The following CRACDL variants were observed in gnomAD, a reference collection of about 807,000 sequenced individuals.
The protein encoded by CRACDL is CRACD-like protein.
A neutral mutation model predicts 70.6 loss-of-function variants in CRACDL; 26 were observed. That is an observed-to-expected ratio of 0.37 (90% confidence interval 0.27 to 0.51). The LOEUF is 0.51. Ranked by LOEUF, CRACDL falls within the 20% of genes least tolerant of loss-of-function variation. The pLI is 0.94. For missense variants in CRACDL, 1,283 were observed against 1,376.9 expected (o/e 0.93, Z 1.08); for synonymous variants, 618 against 615.2 (o/e 1.00, Z -0.07).
chr2:98,835,899 T>C lies in CRACDL; in HGVS notation c.239+2220A>G, dbSNP rs559737362. On this transcript the variant is annotated intron_variant, in intron 3 of 9. Coordinates refer to ENST00000397899, the MANE Select transcript of CRACDL (RefSeq NM_207362.3). The stretch of plus-strand genomic sequence containing the variant: ...GTGAAGGTTGGTGGAGGGACGACAG[T>C]GACACACCCTGAACCCACTGCTCAG... Among the ~76,000 whole-genome samples the C allele has an allele frequency of 2.4e-4, 36 of 152,320 alleles. No homozygotes were observed. In the East Asian group the frequency reaches 6.0e-3, roughly 25 times the overall value.
intron 1 of CRACDL, among the ~76,000 whole-genome samples, chr2:98,895,298 T>C (rs1708089803): frequency 6.6e-6 from 1 of 152,164 alleles, no homozygotes; most frequent in Non-Finnish European, 1.5e-5. Flanking sequence ...TCTAGAATTA[T>C]GACACACACA....
chr2:98,904,436 G>A (rs1708355769), intron 1 of CRACDL, among the ~76,000 whole-genome samples: 1 of 152,170 alleles, frequency 6.6e-6, no homozygotes, highest in South Asian at 2.1e-4. Context: ...TGTCCCTGAT[G>A]AGCCACCACA....
chr2:98,930,252 C>A (rs1258650547), intron 1 of CRACDL, among the ~76,000 whole-genome samples: 1 of 152,050 alleles, frequency 6.6e-6, no homozygotes, highest in African/African-American at 2.4e-5. Context: ...CAGAGCAAGA[C>A]AGGACACACG....
chr2:98,827,342 A>T (rs189124213), intron 5 of CRACDL, among the ~76,000 whole-genome samples, 173 bp from the exon 6 acceptor site: 11 of 152,226 alleles, frequency 7.2e-5, no homozygotes, highest in Non-Finnish European at 1.6e-4. Flanking sequence ...TTGTTCTGTC[A>T]CCAAGGCTGG....
At chr2:98,892,775 A>G (rs1337888392) in intron 1 of CRACDL, among the ~76,000 whole-genome samples, 1 of 152,170 alleles carries the variant, frequency 6.6e-6, no homozygotes, top group East Asian at 1.9e-4. Flanking sequence ...TTTTTGGAAA[A>G]AAACCCTAAA....
chr2:98,828,499 G>A (rs925708769), intron 5 of CRACDL, among the ~76,000 whole-genome samples: 1 of 152,186 alleles, frequency 6.6e-6, no homozygotes, highest in Admixed American at 6.5e-5. Context: ...CACATCCGCT[G>A]TTTCTTTTCT....
chr2:98,796,877 C>T lies in CRACDL; in HGVS notation c.2604+473G>A, dbSNP rs143746127. Among the ~76,000 whole-genome samples the T allele has an allele frequency of 4.5e-3, 687 of 152,308 alleles. 6 individuals are homozygous for T. The highest frequency in any genetic ancestry group is 0.045 in the Middle Eastern group (13 of 292). ...AAAATGGAACCACAAGTTCCAGCCC[C>T]GCAGCCCCAGGTGAGGAATGAGGAG... On this transcript the variant is annotated intron_variant, in intron 8 of 9. Coordinates refer to ENST00000397899, the MANE Select transcript of CRACDL (RefSeq NM_207362.3).
rs1369608116 is a variant in CRACDL, at chr2:98,793,933, T to C, written c.*599A>G. 1 of 152,680 alleles carries C rather than the reference T, an allele frequency of 6.5e-6. No homozygotes were observed. Among genetic ancestry groups the C allele is most frequent in the African/African-American group, 2.4e-5 (1 of 41,452 alleles). The allele number at this position is 152,680 out of a possible 1,614,324, so 9.5% of individuals were successfully genotyped here. A position where few individuals can be genotyped will look rare whatever the true frequency, so the allele number is the denominator to read the frequency against. ...TAGTGGAAAAGTTTAAAAATTATTT[T>C]TGGAAACAGTCTATGAATTGATGAA... On this transcript the variant is annotated 3_prime_UTR_variant, in exon 10 of 10. Transcript: ENST00000397899.
Position 98,822,706 on chromosome 2 carries a change from C to G in CRACDL, c.1567G>C (p.Val523Leu). The change falls in exon 7 of 10, where the codon GTG (valine) becomes CTG (leucine). Residue 523 changes from valine to leucine, a missense_variant. Val to Leu is a conservative substitution (Grantham distance 32, BLOSUM62 1). Around this residue, in one of 2 missense-constraint regions of CRACDL, gnomAD observed 921 missense variants for 881.9 expected, o/e 1.04. Transcript: ENST00000397899. The surrounding 1 kb of genome is among the most constrained non-coding windows in gnomAD (Gnocchi z 4.9). ...TCGAGGGAACCGGGGCCGGGCTCCA[C>G]CGGGGGAGACTCCGCAGCGGCAAGC... ...PPLAAAESPP[V>L]EPGPGSLDAE... is the part of the protein sequence containing the mutation. The G allele has an allele frequency of 1.6e-6, 2 of 1,262,578 alleles. No homozygotes were observed. Among genetic ancestry groups the G allele is most frequent in the Non-Finnish European group, 2.0e-6 (2 of 1,007,590 alleles). The allele number at this position is 1,262,578 out of a possible 1,614,324, so 78.2% of individuals were successfully genotyped here. A position where few individuals can be genotyped will look rare whatever the true frequency, so the allele number is the denominator to read the frequency against.
At chr2:98,809,106 G>A (rs1322300123) in intron 7 of CRACDL, among the ~76,000 whole-genome samples, 1 of 152,170 alleles carries the variant, frequency 6.6e-6, no homozygotes, top group Non-Finnish European at 1.5e-5. Flanking sequence ...TTTTAATTCA[G>A]TAATTAAAAT....
At chr2:98,815,258 C>T (rs1283737359) in intron 7 of CRACDL, among the ~76,000 whole-genome samples, 1 of 152,168 alleles carries the variant, frequency 6.6e-6, no homozygotes, top group Non-Finnish European at 1.5e-5. Flanking sequence ...TGGTTCATAT[C>T]CTACAGATTT....
intron 1 of CRACDL, among the ~76,000 whole-genome samples, chr2:98,911,143 G>C (rs1320157537): frequency 1.3e-5 from 2 of 152,214 alleles, no homozygotes; most frequent in East Asian, 3.9e-4. Context: ...TCTCGTCACA[G>C]GCACACCCCT....
At chr2:98,868,864 ATCCT>A (rs1308727746) in intron 1 of CRACDL, among the ~76,000 whole-genome samples, 3 of 152,094 alleles carry the variant, frequency 2.0e-5, no homozygotes, top group African/African-American at 7.2e-5. Context: ...AACAAAGAAA[ATCCT>A]TATTTTGCTC....
intron 1 of CRACDL, among the ~76,000 whole-genome samples, chr2:98,914,958 G>A (rs1708632013): frequency 6.6e-6 from 1 of 152,234 alleles, no homozygotes; most frequent in Non-Finnish European, 1.5e-5. Context: ...GTTGGAGGGT[G>A]TCCAGTGGGC....
intron 1 of CRACDL, among the ~76,000 whole-genome samples, chr2:98,862,388 C>T (rs1337399414): frequency 6.6e-6 from 1 of 152,072 alleles, no homozygotes; most frequent in African/African-American, 2.4e-5. Flanking sequence ...AATCACAAGG[C>T]ATACAAAGGA....
intron 1 of CRACDL, among the ~76,000 whole-genome samples, chr2:98,872,116 C>T (rs1707365678): frequency 6.6e-6 from 1 of 152,134 alleles, no homozygotes; most frequent in Non-Finnish European, 1.5e-5. Context: ...GCCTGTAATC[C>T]CAGCACTTTG....
rs1429547568 is a variant in CRACDL, at chr2:98,936,174, C to G, written c.-247G>C. ...GGCCCGGCCCTGCGCCCGGCGCGCT[C>G]CCAGCTCCCAGCTCCCAGCTGCAGG... On this transcript the variant is annotated 5_prime_UTR_variant, in exon 1 of 10. Transcript: ENST00000397899. 1 of 144,672 alleles carries G rather than the reference C, an allele frequency of 6.9e-6. No homozygotes were observed. The highest frequency in any genetic ancestry group is 1.6e-5 in the Non-Finnish European group (1 of 63,438). 9.0% of individuals were successfully genotyped at this position (144,672 alleles called of 1,614,324 possible). A position where few individuals can be genotyped will look rare whatever the true frequency, so the allele number is the denominator to read the frequency against.
At chr2:98,865,995 G>A (rs990157134) in intron 1 of CRACDL, among the ~76,000 whole-genome samples, 29 of 151,804 alleles carry the variant, frequency 1.9e-4, no homozygotes, top group African/African-American at 6.5e-4. Context: ...CCCACCTCCT[G>A]CTCTCTGAAG....
chr2:98,866,472 CTTCTTTTTT>C (rs1435393847), intron 1 of CRACDL, among the ~76,000 whole-genome samples: 1,524 of 107,736 alleles, frequency 0.014, 90 homozygotes, highest in South Asian at 0.026. Context: ...ACAATCACTT[CTTCTTTTTT>C]TTTTTTTTTT....
Sources: gnomAD v4.1 joint callset for allele counts (sites outside exome capture counted in the v4.1 genomes callset) on GRCh38, gnomAD v4.1.1 for gene constraint, gnomAD v4.1.1 regional missense constraint, Gnocchi (gnomAD v3.1) non-coding constraint, MANE v1.5 for transcripts, NCBI Gene and HGNC (gene_info 2026-07-23, HGNC 2026-07-21) for gene names.